RAP1GAP2: variants seen among roughly 807,000 people sequenced by gnomAD.
RAP1GAP2 encodes the protein rap1 GTPase-activating protein 2.
In RAP1GAP2, 27 loss-of-function variants were observed where a neutral mutation model predicts 95.0. The ratio of observed to expected loss-of-function variants is 0.28; its 90% CI spans 0.21 to 0.39. The LOEUF (loss-of-function observed/expected upper bound fraction) is 0.39. RAP1GAP2 is among the 10% of genes least tolerant of loss of function. RAP1GAP2 has a pLI of 1.00. For missense variants in RAP1GAP2, 771 were observed against 970.0 expected, an observed-to-expected ratio of 0.79 and a Z score of 2.72; for synonymous variants, 373 against 380.9, an observed-to-expected ratio of 0.98 and a Z score of 0.24.
chr17:2,755,869 G>C (rs537122133), intron 1 of RAP1GAP2: 155 of 319,936 alleles, frequency 4.8e-4, no homozygotes, highest in African/African-American at 3.3e-3. Flanking sequence ...TTCGTCCCGG[G>C]CTGAGGCTGC....
chr17:2,921,781 C>G (rs934949517), intron 3 of RAP1GAP2, among the ~76,000 whole-genome samples: 1 of 149,990 alleles, frequency 6.7e-6, no homozygotes, highest in Admixed American at 6.6e-5. Flanking sequence ...GCCATGTTCC[C>G]GCCAGAGGCT....
Position 3,029,755 on chromosome 17 carries a change from C to T in RAP1GAP2, c.2108-1167C>T, listed in dbSNP as rs146167589. Among the ~76,000 whole-genome samples the T allele has an allele frequency of 3.9e-5, 6 of 152,220 alleles. No individual in the cohort carries two copies. The highest frequency in any genetic ancestry group is 7.4e-5 in the Non-Finnish European group (5 of 68,016). ...GCCAGAAAGTCAAGTGGCCCTCCTG[C>T]CAGCGGGGCACAGCGGGAAATGTTG... On this transcript the variant is annotated intron_variant, in intron 22 of 24. Coordinates refer to ENST00000254695, the MANE Select transcript of RAP1GAP2 (RefSeq NM_015085.5). The surrounding 1 kb of genome is among the most constrained non-coding windows in gnomAD (Gnocchi z 4.4).
At chr17:3,012,375 T>C (rs928605720) in intron 17 of RAP1GAP2, among the ~76,000 whole-genome samples, 3 of 151,816 alleles carry the variant, frequency 2.0e-5, no homozygotes, top group African/African-American at 7.3e-5. Flanking sequence ...CCCAGCACTT[T>C]GGGAGGCCGA....
chr17:2,949,398 T>G (rs1347344264), intron 3 of RAP1GAP2, among the ~76,000 whole-genome samples: 1 of 152,244 alleles, frequency 6.6e-6, no homozygotes, highest in Non-Finnish European at 1.5e-5. Context: ...AGTGAGTCAG[T>G]GAGCATTAAC....
chr17:2,796,086 G>C (rs2069072101), upstream of RAP1GAP2, among the ~76,000 whole-genome samples: 1 of 152,166 alleles, frequency 6.6e-6, no homozygotes, highest in Admixed American at 6.5e-5. The surrounding 1 kb of genome is among the most constrained non-coding windows in gnomAD (Gnocchi z 4.7). Context: ...TCGGGAGTGG[G>C]TGTGAAGGTC....
intron 2 of RAP1GAP2, among the ~76,000 whole-genome samples, chr17:2,816,236 GTT>G (rs771052650): frequency 6.9e-6 from 1 of 145,236 alleles, no homozygotes. Flanking sequence ...GTTTTGTTTT[GTT>G]TTTTTTTTTT....
chr17:2,840,534 T>G (rs1424141422), intron 2 of RAP1GAP2, among the ~76,000 whole-genome samples: 5 of 152,178 alleles, frequency 3.3e-5, no homozygotes, highest in African/African-American at 9.6e-5. Flanking sequence ...ATTTTCTTTC[T>G]TTTCTTTTTT....
chr17:2,988,158 C>T (rs192171110), intron 11 of RAP1GAP2, among the ~76,000 whole-genome samples: 11 of 151,434 alleles, frequency 7.3e-5, no homozygotes, highest in East Asian at 5.8e-4. Context: ...TGCAGTGAGC[C>T]GAGATCGTGC....
At chr17:2,885,076 C>T (rs907653933) in intron 2 of RAP1GAP2, among the ~76,000 whole-genome samples, 10 of 149,276 alleles carry the variant, frequency 6.7e-5, no homozygotes, top group African/African-American at 2.0e-4. Context: ...CTCTGTCGCC[C>T]AGGCTGGAGT....
intron 3 of RAP1GAP2, among the ~76,000 whole-genome samples, chr17:2,946,499 G>A (rs539279420): frequency 1.3e-5 from 2 of 152,198 alleles, no homozygotes; most frequent in Non-Finnish European, 2.9e-5. Flanking sequence ...GAAGTCATTG[G>A]CATCTTCTAG....
chr17:2,884,368 A>AGTT (rs1334788386), intron 2 of RAP1GAP2, among the ~76,000 whole-genome samples: 7 of 125,914 alleles, frequency 5.6e-5, no homozygotes, highest in African/African-American at 1.2e-4. Context: ...AGAGTTCTTG[A>AGTT]GTTGTTTTTT....
chr17:2,827,669 G>A lies in RAP1GAP2; in HGVS notation c.80+27119G>A, dbSNP rs546660561. Among the ~76,000 whole-genome samples, 20 of 152,210 alleles carry A rather than the reference G, an allele frequency of 1.3e-4. No individual in the cohort carries two copies. In the South Asian group the frequency reaches 2.3e-3, roughly 17 times the overall value. On this transcript the variant is annotated intron_variant, in intron 2 of 24. Coordinates refer to ENST00000254695, the MANE Select transcript of RAP1GAP2 (RefSeq NM_015085.5). This position sits in a 1 kb window ranked among gnomAD's most constrained non-coding sequence, Gnocchi z 4.1. ...CTAAAAATACAAAAATTAGCCGGGC[G>A]TGGTGGTACCTGCCTGTAATCCCCA... is the stretch of plus-strand genomic sequence containing the variant.
chr17:3,019,984 G>A (rs1030950255), intron 18 of RAP1GAP2, among the ~76,000 whole-genome samples: 7 of 152,258 alleles, frequency 4.6e-5, no homozygotes, highest in Non-Finnish European at 5.9e-5. Flanking sequence ...GCGGCTCTCA[G>A]CCTGTCTTGT....
chr17:2,939,650 G>A (rs952396255), intron 3 of RAP1GAP2, among the ~76,000 whole-genome samples: 4 of 152,164 alleles, frequency 2.6e-5, no homozygotes, highest in Non-Finnish European at 5.9e-5. Context: ...CCTTCCGTCC[G>A]GCCACGCGGG....
chr17:2,934,982 C>T (rs768604849), intron 3 of RAP1GAP2, among the ~76,000 whole-genome samples: 12 of 152,158 alleles, frequency 7.9e-5, no homozygotes, highest in East Asian at 1.9e-4. Flanking sequence ...TTAGGGAAGA[C>T]GGGTGGGATT....
intron 3 of RAP1GAP2, among the ~76,000 whole-genome samples, chr17:2,927,578 G>A (rs1195076989): frequency 6.6e-6 from 1 of 152,174 alleles, no homozygotes; most frequent in Non-Finnish European, 1.5e-5. Context: ...CATCTCAGGG[G>A]CAGCCTTAAT....
At chr17:2,771,955 C>A (rs2151436279) in intron 2 of RAP1GAP2, among the ~76,000 whole-genome samples, 1 of 152,058 alleles carries the variant, frequency 6.6e-6, no homozygotes, top group Non-Finnish European at 1.5e-5. Flanking sequence ...GGCCTTGAAC[C>A]CCTGGGCTCA....
At chr17:2,941,350 G>A (rs1195560280) in intron 3 of RAP1GAP2, among the ~76,000 whole-genome samples, 3 of 152,160 alleles carry the variant, frequency 2.0e-5, no homozygotes, top group African/African-American at 7.2e-5. Flanking sequence ...GGAGGTTGTG[G>A]TGAGCTGAGA....
At chr17:2,933,981 G>A (rs577763790) in intron 3 of RAP1GAP2, among the ~76,000 whole-genome samples, 12 of 152,362 alleles carry the variant, frequency 7.9e-5, no homozygotes, top group East Asian at 7.7e-4. Flanking sequence ...AAATGGGGCC[G>A]ATTGCCCCAA....
Sources: allele counts gnomAD v4.1 joint callset (sites outside exome capture counted in the v4.1 genomes callset), GRCh38; gene constraint gnomAD v4.1.1; non-coding constraint Gnocchi (gnomAD v3.1); transcripts MANE v1.5; gene names NCBI Gene and HGNC (gene_info 2026-07-23, HGNC 2026-07-21).